The following EGFLAM variants were observed in gnomAD, a reference collection of about 807,000 sequenced individuals.
EGFLAM encodes EGF like, fibronectin type III and laminin G domains.
A neutral mutation model predicts 113.1 loss-of-function variants in EGFLAM; 79 were observed. The ratio of observed to expected loss-of-function variants is 0.70; its 90% CI spans 0.58 to 0.84. EGFLAM has a LOEUF of 0.84. Ranked by LOEUF, EGFLAM falls within the 40% of genes least tolerant of loss-of-function variation. The pLI, the probability that EGFLAM is intolerant of heterozygous loss-of-function variation, is 0.00. For missense variants in EGFLAM, 1,265 were observed against 1,291.6 expected (o/e 0.98, Z 0.32); for synonymous variants, 504 against 487.6 (o/e 1.03, Z -0.44).
intron 3 of EGFLAM, among the ~76,000 whole-genome samples, chr5:38,350,206 A>G (rs1411327070): frequency 2.0e-5 from 3 of 152,194 alleles, no homozygotes; most frequent in Non-Finnish European, 2.9e-5. Context: ...CCAGCAACGT[A>G]GTACTTTGAT....
chr5:38,406,190 G>A lies in EGFLAM; in HGVS notation c.777G>A (p.Glu259=). The A allele has an allele frequency of 6.2e-7, 1 of 1,614,162 alleles. No individual in the cohort carries two copies. The highest frequency in any genetic ancestry group is 8.5e-7 in the Non-Finnish European group (1 of 1,180,014). The change falls in exon 7 of 22, where the codon GAG becomes GAA. Residue 259 remains glutamate (E), a synonymous_variant. Coordinates refer to ENST00000322350, the MANE Select transcript of EGFLAM (RefSeq NM_152403.4). ...PRYITDMGAG[E]DDEGFEDDLD... ...ATATCACCGACATGGGAGCTGGTGA[G>A]GATGATGAAGGATTTGAAGACGACT...
intron 1 of EGFLAM, among the ~76,000 whole-genome samples, chr5:38,289,360 G>T (rs1024215814): frequency 2.4e-4 from 37 of 151,098 alleles, no homozygotes; most frequent in South Asian, 8.3e-4. Context: ...TACTTTCAGT[G>T]TTTCTGATTC....
intron 14 of EGFLAM, chr5:38,427,472 C>T (rs781318636): frequency 2.0e-5 from 13 of 640,958 alleles, no homozygotes; most frequent in Non-Finnish European, 3.3e-5. Context: ...CAAATAACTA[C>T]CCAACAGGTA....
Position 38,407,905 on chromosome 5 carries a change from G to A in EGFLAM, c.1248G>A (p.Arg416=). ...CATTTCAAATTACTCTTGAATTTAGGGTAAGAGGGATGTGTTGTTTGATGA... is the reference window on the plus strand; with the variant it reads ...CATTTCAAATTACTCTTGAATTTAGAGTAAGAGGGATGTGTTGTTTGATGA... The part of the protein sequence containing the change: ...YQAFQITLEF[R]AEAEDGLLLY... The change falls in exon 9 of 22, where the codon AGG becomes AGA. Residue 416 remains arginine, a splice_region_variant and synonymous_variant. Coordinates refer to ENST00000322350, the MANE Select transcript of EGFLAM (RefSeq NM_152403.4). 2 of 1,602,956 alleles carry A rather than the reference G, an allele frequency of 1.2e-6. No individual in the cohort carries two copies. Among genetic ancestry groups the A allele is most frequent in the Non-Finnish European group, 8.5e-7 (1 of 1,170,074 alleles).
At chr5:38,365,150 G>A (rs1285283536) in intron 5 of EGFLAM, among the ~76,000 whole-genome samples, 3 of 152,150 alleles carry the variant, frequency 2.0e-5, no homozygotes, top group South Asian at 2.1e-4. Flanking sequence ...CCTAGTTAAC[G>A]TCCATGACAT....
intron 10 of EGFLAM, among the ~76,000 whole-genome samples, chr5:38,409,945 A>G (rs1250672268): frequency 1.3e-5 from 2 of 151,918 alleles, no homozygotes; most frequent in Non-Finnish European, 2.9e-5. Context: ...TGAACAACCA[A>G]CGGGCACCAG....
At chr5:38,330,693 T>C (rs1739018453) in intron 1 of EGFLAM, among the ~76,000 whole-genome samples, 1 of 152,218 alleles carries the variant, frequency 6.6e-6, no homozygotes, top group Non-Finnish European at 1.5e-5. Flanking sequence ...CTTGCAATTT[T>C]TCCCAGAGCA....
At chr5:38,446,536 C>T (rs749498010) in intron 17 of EGFLAM, among the ~76,000 whole-genome samples, 6 of 152,068 alleles carry the variant, frequency 3.9e-5, no homozygotes, top group Non-Finnish European at 5.9e-5. Context: ...TTCCTCCTAC[C>T]TCCCTTAGTC....
intron 6 of EGFLAM, among the ~76,000 whole-genome samples, chr5:38,405,002 G>A (rs1242340335): frequency 1.3e-5 from 2 of 152,086 alleles, no homozygotes; most frequent in Non-Finnish European, 2.9e-5. Flanking sequence ...CGTCTGAGAG[G>A]TTTTCTCACC....
chr5:38,378,449 C>T (rs905810994), intron 6 of EGFLAM, among the ~76,000 whole-genome samples: 1 of 152,186 alleles, frequency 6.6e-6, no homozygotes, highest in Admixed American at 6.5e-5. Context: ...GAGGACTCTT[C>T]TTTGGCGGCA....
chr5:38,400,402 C>CT (rs1329715857), intron 6 of EGFLAM, among the ~76,000 whole-genome samples: 2 of 152,036 alleles, frequency 1.3e-5, no homozygotes, highest in African/African-American at 4.8e-5. Context: ...TAAATGTCTC[C>CT]TTTTTAATGT....
At chr5:38,366,336 G>C (rs1740059485) in intron 5 of EGFLAM, among the ~76,000 whole-genome samples, 1 of 152,150 alleles carries the variant, frequency 6.6e-6, no homozygotes, top group Non-Finnish European at 1.5e-5. Flanking sequence ...GCTTCCTACT[G>C]GTCCTTAGAG....
chr5:38,330,139 T>A (rs1739003498), intron 1 of EGFLAM, among the ~76,000 whole-genome samples: 2 of 152,214 alleles, frequency 1.3e-5, no homozygotes, highest in South Asian at 4.1e-4. Flanking sequence ...TCCTTCTAGA[T>A]GCCATTACTA....
chr5:38,307,622 A>G (rs886583137), intron 1 of EGFLAM, among the ~76,000 whole-genome samples: 1 of 152,220 alleles, frequency 6.6e-6, no homozygotes, highest in Non-Finnish European at 1.5e-5. Context: ...GGACTAATCC[A>G]TACCTGGTGT....
intron 6 of EGFLAM, among the ~76,000 whole-genome samples, chr5:38,393,017 C>T (rs979153389): frequency 1.3e-4 from 20 of 152,102 alleles, no homozygotes; most frequent in Admixed American, 4.6e-4. Context: ...GGATTACAAG[C>T]GTGAGCCACC....
intron 1 of EGFLAM, among the ~76,000 whole-genome samples, chr5:38,322,367 T>C (rs780733876): frequency 5.9e-5 from 9 of 152,114 alleles, no homozygotes; most frequent in Non-Finnish European, 1.2e-4. Context: ...AGGCTTTCCA[T>C]AGGAATGTCC....
intron 5 of EGFLAM, among the ~76,000 whole-genome samples, chr5:38,369,816 C>T (rs565886699): frequency 5.9e-5 from 9 of 152,316 alleles, no homozygotes; most frequent in Middle Eastern, 3.4e-3. Flanking sequence ...TAAGAATGTC[C>T]GTGAACAGAT....
At chr5:38,402,015 G>C (rs1741129751) in intron 6 of EGFLAM, 1 of 152,108 alleles carries the variant, frequency 6.6e-6, no homozygotes, top group East Asian at 1.9e-4. Context: ...GCTTGATTTT[G>C]GTCTTCTGAT....
chr5:38,463,002 C>T lies in EGFLAM; in HGVS notation c.2866C>T (p.Leu956=). 6.2e-7 allele frequency: 1 copy of T among 1,613,876 alleles called. No individual in the cohort carries two copies. The highest frequency in any genetic ancestry group is 8.5e-7 in the Non-Finnish European group (1 of 1,179,850). The change falls in exon 21 of 22, where the codon CTG becomes TTG. Residue 956 remains leucine (L), a synonymous_variant. Coordinates refer to ENST00000322350, the MANE Select transcript of EGFLAM (RefSeq NM_152403.4). ...MMRQLNINGA[L]YVGGMKEIAL... ...GCGGCAGCTTAACATCAATGGAGCT[C>T]TGTATGTGGGTAAGTGACCGACCCT...
Sources: allele counts gnomAD v4.1 joint callset (sites outside exome capture counted in the v4.1 genomes callset), GRCh38; gene constraint gnomAD v4.1.1; transcripts MANE v1.5; gene names NCBI Gene and HGNC (gene_info 2026-07-23, HGNC 2026-07-21).